Variants in FRMPD3 observed in about 807,000 individuals in gnomAD.
The protein encoded by FRMPD3 is FERM and PDZ domain-containing protein 3.
In FRMPD3, 42 loss-of-function variants were observed where a neutral mutation model predicts 97.9. The ratio of observed to expected loss-of-function variants is 0.43; its 90% confidence interval spans 0.34 to 0.55. FRMPD3 has a LOEUF of 0.55. FRMPD3 is among the 20% of genes least tolerant of loss of function. FRMPD3 has a pLI of 0.03. For missense variants in FRMPD3, 1,303 were observed against 1,457.7 expected (o/e 0.89, Z 1.73); for synonymous variants, 577 against 581.1 (o/e 0.99, Z 0.10).
At position 107,507,792 on chromosome X, in the gene FRMPD3, A is replaced by G. The variant is rs193144968; in HGVS notation, c.-7-18790A>G. ...CCTAAAGGCGAGTTTATCCTAACTC[A>G]GTCCCTTCTCAGAGAACACCCAGAT... On this transcript the variant is annotated intron_variant, in intron 1 of 14. Coordinates refer to ENST00000683843, the MANE Select transcript of FRMPD3 (RefSeq NM_001388459.1). 7.1e-4 allele frequency among the ~76,000 whole-genome samples: 80 copies of G among 112,581 alleles called. 1 individual carries two copies. Among genetic ancestry groups the G allele is most frequent in the African/African-American group, 2.4e-3 (75 of 31,040 alleles).
intron 1 of FRMPD3, among the ~76,000 whole-genome samples, chrX:107,511,148 G>A (rs1278428388): frequency 8.9e-6 from 1 of 112,151 alleles, no homozygotes; most frequent in African/African-American, 3.2e-5. Context: ...TCCCAACGGA[G>A]CCAGACATGA....
chrX:107,567,669 G>C (rs934402383), intron 12 of FRMPD3, among the ~76,000 whole-genome samples: 2 of 111,728 alleles, frequency 1.8e-5, no homozygotes, highest in Non-Finnish European at 3.8e-5. Flanking sequence ...GAAGAGATTG[G>C]GGGTGGGCAG....
At chrX:107,487,765 G>A (rs1262385380) in intron 1 of FRMPD3, among the ~76,000 whole-genome samples, 1 of 112,000 alleles carries the variant, frequency 8.9e-6, no homozygotes, top group African/African-American at 3.3e-5. Context: ...ATTCTAATGT[G>A]TAGCCAGAGT....
chrX:107,479,835 T>TAC (rs72364087), intron 1 of FRMPD3, among the ~76,000 whole-genome samples: 1,625 of 94,301 alleles, frequency 0.017, 48 homozygotes, highest in African/African-American at 0.057. Context: ...TTACCATGAT[T>TAC]ACACACACAC....
At chrX:107,550,803 C>A (rs1569421212) in intron 6 of FRMPD3, among the ~76,000 whole-genome samples, 3 of 111,524 alleles carry the variant, frequency 2.7e-5, no homozygotes, top group Non-Finnish European at 5.7e-5. Context: ...ACAGAAATAT[C>A]CATTCCTGCA....
intron 2 of FRMPD3, among the ~76,000 whole-genome samples, chrX:107,529,974 C>G (rs982851789): frequency 1.8e-5 from 2 of 111,807 alleles, no homozygotes; most frequent in Non-Finnish European, 3.8e-5. Flanking sequence ...CCAAACCATA[C>G]CCAGCTAAAG....
At chrX:107,598,703 C>A (rs2147650182) in intron 14 of FRMPD3, among the ~76,000 whole-genome samples, 1 of 112,011 alleles carries the variant, frequency 8.9e-6, no homozygotes, top group East Asian at 2.8e-4. Flanking sequence ...CTCATTCCAT[C>A]ATCTTAAATG....
At position 107,603,477 on chromosome X, in the gene FRMPD3, CAG is replaced by C. The variant is rs750033337; in HGVS notation, c.*105_*106del. The C allele has an allele frequency of 2.8e-5, 31 of 1,093,754 alleles. No homozygotes were observed. The highest frequency in any genetic ancestry group is 3.8e-5 in the African/African-American group (2 of 53,127). 90.1% of individuals were successfully genotyped at this position (1,093,754 alleles called of 1,213,427 possible). A position where few individuals can be genotyped will look rare whatever the true frequency, so the allele number is the denominator to read the frequency against. ...GTGTGTGTGTGTCTGCTGGGCCAGT[CAG>C]GGTCCAAGAGCCCATCAGTCTCCGG... On this transcript the variant is annotated 3_prime_UTR_variant, in exon 15 of 15. Transcript: ENST00000683843.
rs1921903870 is a variant in FRMPD3 at position 107,501,397 on chromosome X, T to C, written c.-7-25185T>C. Among the ~76,000 whole-genome samples, 3 of 76,399 alleles carry C rather than the reference T, an allele frequency of 3.9e-5. No homozygotes were observed. In the Admixed American group the frequency reaches 4.4e-4, roughly 11 times the overall value. 66.3% of individuals were successfully genotyped at this position (76,399 alleles called of 115,157 possible). A position where few individuals can be genotyped will look rare whatever the true frequency, so the allele number is the denominator to read the frequency against. Reference sequence around the variant, plus strand: ...TTTTTTTTGAGACGGAGTCTCGCTCTGTCGCCCAGGCCGGACTGCGGACTG... The same window carrying C: ...TTTTTTTTGAGACGGAGTCTCGCTCCGTCGCCCAGGCCGGACTGCGGACTG... On this transcript the variant is annotated intron_variant, in intron 1 of 14. Coordinates refer to ENST00000683843, the MANE Select transcript of FRMPD3 (RefSeq NM_001388459.1).
chrX:107,528,991 G>A (rs995885665), intron 2 of FRMPD3, among the ~76,000 whole-genome samples: 4 of 112,913 alleles, frequency 3.5e-5, no homozygotes, highest in African/African-American at 1.3e-4. Flanking sequence ...TTGGAATTTG[G>A]GCAGCCCCCT....
In FRMPD3 at chrX:107,449,944, T is replaced by G; in HGVS notation, c.-69T>G. Reference sequence around the variant, plus strand: ...CGCTGCGCCGCCGCTGCCGCGCCGCTGAGGAGGCGGAGGAGGAGGAGGAGG... The same window carrying G: ...CGCTGCGCCGCCGCTGCCGCGCCGCGGAGGAGGCGGAGGAGGAGGAGGAGG... On this transcript the variant is annotated 5_prime_UTR_variant, in exon 1 of 15. Coordinates refer to ENST00000683843, the MANE Select transcript of FRMPD3 (RefSeq NM_001388459.1). Among the ~76,000 whole-genome samples the G allele has an allele frequency of 9.2e-6, 1 of 108,202 alleles. No homozygotes were observed. Among genetic ancestry groups the G allele is most frequent in the Non-Finnish European group, 1.9e-5 (1 of 51,483 alleles). The allele number at this position is 108,202 out of a possible 115,157, so 94.0% of individuals were successfully genotyped here.
chrX:107,490,966 C>T (rs1921642324), intron 1 of FRMPD3, among the ~76,000 whole-genome samples: 1 of 112,009 alleles, frequency 8.9e-6, no homozygotes. Flanking sequence ...GGCTTTGCTA[C>T]CTCACATACA....
At chrX:107,581,476 AC>A (rs1197644526) in intron 13 of FRMPD3, among the ~76,000 whole-genome samples, 133 of 110,757 alleles carry the variant, frequency 1.2e-3, no homozygotes, top group African/African-American at 4.1e-3. Context: ...AAAAAAAAAA[AC>A]AGCTTTGTTT....
Position 107,546,018 on chromosome X carries a change from G to T in FRMPD3, c.402+177G>T, listed in dbSNP as rs1358624389. ...AGAGGGATACGTGACATCCAGAGAG[G>T]CCCCAGGCATTGTGGGGAGAAGGAA... On this transcript the variant is annotated intron_variant, in intron 5 of 14. Coordinates refer to ENST00000683843, the MANE Select transcript of FRMPD3 (RefSeq NM_001388459.1). Among the ~76,000 whole-genome samples, 6 of 111,677 alleles carry T rather than the reference G, an allele frequency of 5.4e-5. No individual in the cohort carries two copies. The East Asian group carries it at 1.7e-3, about 31-fold the overall frequency.
intron 13 of FRMPD3, among the ~76,000 whole-genome samples, chrX:107,594,812 T>G (rs778626399): frequency 1.8e-5 from 2 of 110,115 alleles, no homozygotes; most frequent in African/African-American, 6.6e-5. Flanking sequence ...ACCCGGGAGG[T>G]GGAGGTTGCA....
At position 107,528,381 on chromosome X, in the gene FRMPD3, A is replaced by T. The variant is rs141898109; in HGVS notation, c.148+1645A>T. Among the ~76,000 whole-genome samples, 651 of 111,713 alleles carry T rather than the reference A, an allele frequency of 5.8e-3. 6 individuals carry two copies. Among genetic ancestry groups the T allele is most frequent in the African/African-American group, 0.02 (607 of 30,727 alleles). On this transcript the variant is annotated intron_variant, in intron 2 of 14. Transcript: ENST00000683843. ...GTACCATCAAAGGGCCAAGGCCCAT[A>T]AAGGAGGTTGAGTTCCATGAGGACC... is the stretch of plus-strand genomic sequence containing the variant.
intron 1 of FRMPD3, among the ~76,000 whole-genome samples, chrX:107,514,340 A>G (rs1308059182): frequency 9.0e-6 from 1 of 110,841 alleles, no homozygotes; most frequent in Admixed American, 9.6e-5. Context: ...AGGATCTGAT[A>G]TGGACTTTTT....
chrX:107,511,526 T>C lies in FRMPD3; in HGVS notation c.-7-15056T>C, dbSNP rs188422036. Among the ~76,000 whole-genome samples the C allele has an allele frequency of 6.2e-5, 7 of 112,938 alleles. No individual in the cohort carries two copies. The East Asian group carries it at 2.0e-3, about 32-fold the overall frequency. ...AGGGGTTGGGGGCATGGAAGGCTGG[T>C]GGCCCAGGCCATCGATGCCTTAGTA... is the stretch of plus-strand genomic sequence containing the variant. On this transcript the variant is annotated intron_variant, in intron 1 of 14. Transcript: ENST00000683843.
chrX:107,494,145 G>A (rs945152909), intron 1 of FRMPD3, among the ~76,000 whole-genome samples: 6 of 112,085 alleles, frequency 5.4e-5, no homozygotes, highest in African/African-American at 1.3e-4. Context: ...CCCAGAGGTT[G>A]CCTGCTATGC....
Sources: allele counts gnomAD v4.1 joint callset (sites outside exome capture counted in the v4.1 genomes callset), GRCh38; gene constraint gnomAD v4.1.1; transcripts MANE v1.5; gene names NCBI Gene and HGNC (gene_info 2026-07-23, HGNC 2026-07-21).